RTN1: variants seen among roughly 807,000 people sequenced by gnomAD.
RTN1 encodes the protein reticulon-1.
In RTN1, 25 loss-of-function variants were observed where a neutral mutation model predicts 65.5. The observed-to-expected ratio is 0.38, with a 90% confidence interval of 0.28 to 0.53. The LOEUF (loss-of-function observed/expected upper bound fraction) is 0.53, where lower values mean the gene tolerates loss of function less well. Among genes scored for constraint, RTN1 ranks in the 20% least tolerant of loss-of-function variants. RTN1 has a pLI of 0.79. For synonymous variants in RTN1, 471 were observed against 447.6 expected, an observed-to-expected ratio of 1.05 and a Z score of -0.66; for missense variants, 983 against 1,025.4, an observed-to-expected ratio of 0.96 and a Z score of 0.57.
Position 59,770,378 on chromosome 14 carries a change from CAAAAAAAAAAAAA to C in RTN1, c.242-23910_242-23898del, listed in dbSNP as rs774086177. Among the ~76,000 whole-genome samples, 4 of 53,734 alleles carry C rather than the reference CAAAAAAAAAAAAA, an allele frequency of 7.4e-5. 1 individual carries two copies. Among genetic ancestry groups the C allele is most frequent in the East Asian group, 1.2e-3 (2 of 1,728 alleles). The allele number at this position is 53,734 out of a possible 152,430, so 35.3% of individuals were successfully genotyped here. On this transcript the variant is annotated intron_variant, in intron 1 of 8. Coordinates refer to ENST00000267484, the MANE Select transcript of RTN1 (RefSeq NM_021136.3). ...GGGGAACAAGAGTGAAACTCTGCCT[CAAAAAAAAAAAAA>C]AAAAAAAAAAAAAGAACATAGAACT...
chr14:59,709,342 GTC>G (rs1884365933), intron 3 of RTN1, among the ~76,000 whole-genome samples: 1 of 152,070 alleles, frequency 6.6e-6, no homozygotes, highest in African/African-American at 2.4e-5. Context: ...TATTTAAAAT[GTC>G]TCAAAAAATG....
At chr14:59,861,893 T>C (rs1307354692) in intron 1 of RTN1, among the ~76,000 whole-genome samples, 2 of 152,338 alleles carry the variant, frequency 1.3e-5, no homozygotes, top group South Asian at 2.1e-4. Flanking sequence ...CACCGTATTA[T>C]AGCTCGTCAA....
chr14:59,765,148 A>G (rs10135870), intron 1 of RTN1, among the ~76,000 whole-genome samples: 11,240 of 151,980 alleles, frequency 0.074, 1,244 homozygotes, highest in African/African-American at 0.25. Flanking sequence ...ACAAAGAAGG[A>G]GTAGGATTCA....
chr14:59,643,748 AAAAC>A (rs1003006513), intron 3 of RTN1, among the ~76,000 whole-genome samples: 1 of 152,222 alleles, frequency 6.6e-6, no homozygotes, highest in Non-Finnish European at 1.5e-5. Context: ...AAAGTTACTA[AAAAC>A]AAACAAAAAA....
chr14:59,765,203 G>A (rs572384125), intron 1 of RTN1, among the ~76,000 whole-genome samples: 1 of 152,210 alleles, frequency 6.6e-6, no homozygotes, highest in African/African-American at 2.4e-5. Flanking sequence ...CAGATACTCT[G>A]AAAAAATAGT....
chr14:59,783,138 G>A (rs1886187141), intron 1 of RTN1, among the ~76,000 whole-genome samples: 1 of 152,208 alleles, frequency 6.6e-6, no homozygotes, highest in Non-Finnish European at 1.5e-5. Flanking sequence ...TAGTGGCTAA[G>A]TTTCTAATCA....
chr14:59,837,658 TA>T (rs926554873), intron 1 of RTN1, among the ~76,000 whole-genome samples: 9 of 151,872 alleles, frequency 5.9e-5, no homozygotes, highest in African/African-American at 1.9e-4. Flanking sequence ...CAATAAACAT[TA>T]AAAAAAACTG....
rs142193721 is a variant in RTN1 at position 59,768,511 on chromosome 14, A to G, written c.242-22030T>C. ...AATGTTGAATGCATCCTGGCTCTTGATCTGGTCGTTGCTACCACAGAGCCC... is the reference window on the plus strand; with the variant it reads ...AATGTTGAATGCATCCTGGCTCTTGGTCTGGTCGTTGCTACCACAGAGCCC... On this transcript the variant is annotated intron_variant, in intron 1 of 8. Transcript: ENST00000267484. Among the ~76,000 whole-genome samples the G allele has an allele frequency of 2.1e-3, 322 of 152,186 alleles. 1 individual carries two copies. Among genetic ancestry groups the G allele is most frequent in the Middle Eastern group, 0.014 (4 of 294 alleles).
chr14:59,605,598 C>T, intron 4 of RTN1, 92 bp from the exon 5 acceptor site: 1 of 1,388,740 alleles, frequency 7.2e-7, no homozygotes, highest in East Asian at 2.3e-5. Flanking sequence ...TTCCTACTCT[C>T]ACTCTGAGGG....
At chr14:59,616,294 G>T (rs1015605573) in intron 3 of RTN1, among the ~76,000 whole-genome samples, 1 of 152,116 alleles carries the variant, frequency 6.6e-6, no homozygotes, top group African/African-American at 2.4e-5. Flanking sequence ...TGCCACAGAG[G>T]TAACAAATTT....
chr14:59,684,797 G>T (rs1203511907), intron 3 of RTN1, among the ~76,000 whole-genome samples: 1 of 152,020 alleles, frequency 6.6e-6, no homozygotes, highest in Admixed American at 6.5e-5. Flanking sequence ...GTTTGGGTGG[G>T]TATAGAAGTC....
At chr14:59,815,603 A>G (rs1368411947) in intron 1 of RTN1, among the ~76,000 whole-genome samples, 1 of 152,140 alleles carries the variant, frequency 6.6e-6, no homozygotes, top group Non-Finnish European at 1.5e-5. Flanking sequence ...ATTTCCACTG[A>G]GCCAGGCACT....
At chr14:59,606,127 T>TATATATATA (rs1566658130) in intron 4 of RTN1, 16 of 45,332 alleles carry the variant, frequency 3.5e-4, no homozygotes, top group African/African-American at 5.9e-4. Flanking sequence ...TATATATATA[T>TATATATATA]CATACCAGCT....
intron 1 of RTN1, among the ~76,000 whole-genome samples, chr14:59,835,232 G>A (rs1057112226): frequency 1.3e-5 from 2 of 151,802 alleles, no homozygotes; most frequent in African/African-American, 4.8e-5. Flanking sequence ...ATTATGTGGA[G>A]TGAAAGAAGC....
chr14:59,769,802 A>C (rs1885918880), intron 1 of RTN1, among the ~76,000 whole-genome samples: 1 of 152,204 alleles, frequency 6.6e-6, no homozygotes, highest in Non-Finnish European at 1.5e-5. Context: ...GATGAAAGAC[A>C]ATGAACAAAA....
chr14:59,768,675 T>C (rs1288559520), intron 1 of RTN1, among the ~76,000 whole-genome samples: 1 of 152,158 alleles, frequency 6.6e-6, no homozygotes, highest in Non-Finnish European at 1.5e-5. Flanking sequence ...ACTAACATGC[T>C]AATATGGTTC....
chr14:59,631,222 T>C (rs1445119482), intron 3 of RTN1, among the ~76,000 whole-genome samples: 2 of 152,250 alleles, frequency 1.3e-5, no homozygotes, highest in African/African-American at 2.4e-5. Context: ...CCTACTGCTC[T>C]GTCCCAGAGG....
At chr14:59,831,845 C>T (rs1887129980) in intron 1 of RTN1, among the ~76,000 whole-genome samples, 1 of 151,980 alleles carries the variant, frequency 6.6e-6, no homozygotes. Context: ...TTGTTCCCCC[C>T]TCACTCTCTG....
chr14:59,804,356 A>G (rs1886598959), intron 1 of RTN1, among the ~76,000 whole-genome samples: 1 of 152,170 alleles, frequency 6.6e-6, no homozygotes, highest in South Asian at 2.1e-4. Context: ...ATATGGTGAC[A>G]CTGACATGAC....
Sources: allele counts gnomAD v4.1 joint callset (sites outside exome capture counted in the v4.1 genomes callset), GRCh38; gene constraint gnomAD v4.1.1; transcripts MANE v1.5; gene names NCBI Gene and HGNC (gene_info 2026-07-23, HGNC 2026-07-21).